The following MARCHF3 variants were observed in gnomAD, a reference collection of about 807,000 sequenced individuals.
MARCHF3 encodes the protein membrane associated ring-CH-type finger 3.
In MARCHF3, 13 loss-of-function variants were observed where a neutral mutation model predicts 24.2. The observed-to-expected ratio is 0.54, with a 90% CI of 0.35 to 0.85. MARCHF3 has a LOEUF of 0.85. MARCHF3 is among the 40% of genes least tolerant of loss of function. The pLI is 0.01. For synonymous variants in MARCHF3, 144 were observed against 137.3 expected (o/e 1.05, Z -0.34); for missense variants, 276 against 325.0 (o/e 0.85, Z 1.16).
At chr5:126,892,956 A>G (rs895282159) in intron 3 of MARCHF3, among the ~76,000 whole-genome samples, 12 of 151,702 alleles carry the variant, frequency 7.9e-5, no homozygotes, top group Admixed American at 7.9e-4. Context: ...GATTATTGCC[A>G]CAATTTCAGA....
chr5:126,917,876 A>C, intron 2 of MARCHF3, 108 bp downstream of exon 2: 4 of 1,144,020 alleles, frequency 3.5e-6, no homozygotes, highest in East Asian at 2.6e-5. Flanking sequence ...ACCTCCTCTC[A>C]CCTGACACAA....
chr5:127,026,985 G>A (rs533978068), intron 1 of MARCHF3, among the ~76,000 whole-genome samples: 1 of 152,328 alleles, frequency 6.6e-6, no homozygotes, highest in Admixed American at 6.5e-5. Context: ...ATGGTAGAAA[G>A]AGGGAAGGGT....
At chr5:126,935,578 A>C (rs1202235537) in intron 1 of MARCHF3, among the ~76,000 whole-genome samples, 2 of 151,398 alleles carry the variant, frequency 1.3e-5, no homozygotes, top group Non-Finnish European at 2.9e-5. Flanking sequence ...GAGCCAATCT[A>C]AAAAGTACGA....
chr5:126,895,597 G>T (rs915885630), intron 3 of MARCHF3, among the ~76,000 whole-genome samples: 12 of 152,044 alleles, frequency 7.9e-5, no homozygotes, highest in Non-Finnish European at 1.5e-5. Flanking sequence ...TGCCCCTGCT[G>T]GGGGGTGCCT....
At chr5:126,954,151 C>G (rs1328093146) in intron 1 of MARCHF3, among the ~76,000 whole-genome samples, 13 of 151,690 alleles carry the variant, frequency 8.6e-5, no homozygotes, top group African/African-American at 2.7e-4. Context: ...TCCTGCCTCA[C>G]CCTCCCGAGT....
intron 1 of MARCHF3, among the ~76,000 whole-genome samples, chr5:126,963,355 T>C (rs1226605585): frequency 1.3e-5 from 2 of 152,170 alleles, no homozygotes; most frequent in Non-Finnish European, 2.9e-5. Context: ...TTTGTTATTT[T>C]TGTAGGAAAA....
In MARCHF3 at chr5:126,963,418, C is replaced by T. The variant is rs762288502; in HGVS notation, c.-56-45191G>A. Among the ~76,000 whole-genome samples, 8 of 152,002 alleles carry T rather than the reference C, an allele frequency of 5.3e-5. No individual in the cohort carries two copies. The East Asian group carries it at 1.2e-3, about 22-fold the overall frequency. On this transcript the variant is annotated intron_variant, in intron 1 of 4. Transcript: ENST00000308660. ...ATTTAAACCAAAATAGAAGATTTGA[C>T]CAATCTTAAACAGTCAACATTTTCA... is the stretch of plus-strand genomic sequence containing the variant.
chr5:126,925,484 T>C lies in MARCHF3; in HGVS notation c.-56-7257A>G, dbSNP rs190986013. Among the ~76,000 whole-genome samples, 6 of 152,310 alleles carry C rather than the reference T, an allele frequency of 3.9e-5. No homozygotes were observed. In the East Asian group the frequency reaches 1.2e-3, roughly 29 times the overall value. On this transcript the variant is annotated intron_variant, in intron 1 of 4. Transcript: ENST00000308660. ...CTGAAGGCAAATCAAGTAACAATTA[T>C]CATATTTAGACATATTTTTCCCTCA...
chr5:126,890,365 C>T (rs1358431139), intron 3 of MARCHF3, among the ~76,000 whole-genome samples: 1 of 150,778 alleles, frequency 6.6e-6, no homozygotes, highest in Non-Finnish European at 1.5e-5. Context: ...TATACATGTG[C>T]CATGCTGGTG....
chr5:126,920,528 T>C (rs1749073588), intron 1 of MARCHF3, among the ~76,000 whole-genome samples: 1 of 152,188 alleles, frequency 6.6e-6, no homozygotes, highest in South Asian at 2.1e-4. Flanking sequence ...TATGTCTAGA[T>C]GCACTCTGAG....
At chr5:126,889,267 G>C (rs1398186299) in intron 3 of MARCHF3, among the ~76,000 whole-genome samples, 1 of 152,022 alleles carries the variant, frequency 6.6e-6, no homozygotes, top group Non-Finnish European at 1.5e-5. Flanking sequence ...TACCAGGACA[G>C]TGTACCAAAT....
At chr5:126,971,436 G>A (rs1751005453) in intron 1 of MARCHF3, among the ~76,000 whole-genome samples, 11 of 134,628 alleles carry the variant, frequency 8.2e-5, no homozygotes, top group Admixed American at 7.0e-4. Context: ...GTGACAGAGC[G>A]AGACTCTGTC....
chr5:127,025,078 GC>G (rs959572813), intron 1 of MARCHF3, among the ~76,000 whole-genome samples: 23 of 152,128 alleles, frequency 1.5e-4, no homozygotes, highest in African/African-American at 5.5e-4. Flanking sequence ...GATAGTTCCA[GC>G]CAAAAGGAAT....
intron 1 of MARCHF3, chr5:126,946,356 A>G (rs1750008539): frequency 7.3e-6 from 1 of 136,418 alleles, no homozygotes; most frequent in Non-Finnish European, 1.5e-5. Flanking sequence ...TGGGCCATAG[A>G]GCGAGATTCT....
At chr5:126,874,511 G>A (rs192103578) in intron 4 of MARCHF3, among the ~76,000 whole-genome samples, 1 of 152,100 alleles carries the variant, frequency 6.6e-6, no homozygotes, top group East Asian at 1.9e-4. Flanking sequence ...GCTTGAACCT[G>A]GGAGGCGGAG....
At chr5:126,991,321 TCTCA>T (rs1195888871) in intron 1 of MARCHF3, among the ~76,000 whole-genome samples, 3 of 152,134 alleles carry the variant, frequency 2.0e-5, no homozygotes, top group African/African-American at 2.4e-5. Context: ...TACCGCATGT[TCTCA>T]CTCTTAGGTG....
chr5:126,962,964 G>C (rs1750690570), intron 1 of MARCHF3, among the ~76,000 whole-genome samples: 1 of 152,002 alleles, frequency 6.6e-6, no homozygotes, highest in East Asian at 1.9e-4. Flanking sequence ...TCATGAGAAA[G>C]TGTTTTCTTT....
At chr5:126,959,304 C>A (rs528289799) in intron 1 of MARCHF3, among the ~76,000 whole-genome samples, 1 of 152,248 alleles carries the variant, frequency 6.6e-6, no homozygotes, top group East Asian at 1.9e-4. Flanking sequence ...AATCCATAAT[C>A]CCAGTCTATT....
chr5:126,913,697 G>T (rs1405164055), intron 3 of MARCHF3, among the ~76,000 whole-genome samples: 5 of 152,242 alleles, frequency 3.3e-5, no homozygotes, highest in African/African-American at 1.2e-4. Flanking sequence ...CCCGGTTATA[G>T]GTCTTGATTT....
Sources: gnomAD v4.1 joint callset for allele counts (sites outside exome capture counted in the v4.1 genomes callset) on GRCh38, gnomAD v4.1.1 for gene constraint, MANE v1.5 for transcripts, NCBI Gene and HGNC (gene_info 2026-07-23, HGNC 2026-07-21) for gene names.